Variants in SUPT3H observed in about 807,000 individuals in gnomAD.
SUPT3H encodes the protein transcription initiation protein SPT3 homolog.
SUPT3H carries 44 observed loss-of-function variants against 44.3 expected under a neutral mutation model. That is an observed-to-expected ratio of 0.99 (90% CI 0.78 to 1.28). The LOEUF (loss-of-function observed/expected upper bound fraction) is 1.28, where lower values mean the gene tolerates loss of function less well. Ranked by LOEUF, SUPT3H falls within the 50% of genes most tolerant of loss-of-function variation. SUPT3H has a pLI of 0.00. For missense variants in SUPT3H, 380 were observed against 387.1 expected, an observed-to-expected ratio of 0.98 and a Z score of 0.15; for synonymous variants, 124 against 125.6, an observed-to-expected ratio of 0.99 and a Z score of 0.09.
chr6:45,117,295 C>T (rs1442104796), intron 2 of SUPT3H, among the ~76,000 whole-genome samples: 1 of 152,040 alleles, frequency 6.6e-6, no homozygotes, highest in African/African-American at 2.4e-5. Context: ...CTGTCTTTGT[C>T]TGAAATATAA....
rs147125149 is a variant in SUPT3H, at chr6:45,343,569, A to G, written c.101+21632T>C. Among the ~76,000 whole-genome samples, 650 of 152,288 alleles carry G rather than the reference A, an allele frequency of 4.3e-3. 4 individuals carry two copies. Among genetic ancestry groups the G allele is most frequent in the African/African-American group, 0.015 (611 of 41,558 alleles). On this transcript the variant is annotated intron_variant, in intron 2 of 10. Coordinates refer to ENST00000371459, the MANE Select transcript of SUPT3H (RefSeq NM_003599.4). ...GATTAAGAGAGAAGGTCCTATGTACATAACTCTCTCTTGTAAAAAATGCCT... is the reference window on the plus strand; with the variant it reads ...GATTAAGAGAGAAGGTCCTATGTACGTAACTCTCTCTTGTAAAAAATGCCT...
chr6:45,164,035 G>GA (rs1283619244), intron 2 of SUPT3H, among the ~76,000 whole-genome samples: 1 of 152,118 alleles, frequency 6.6e-6, no homozygotes, highest in East Asian at 1.9e-4. Context: ...GTAGAGCAGT[G>GA]AAAAATCTGA....
chr6:45,104,875 T>A (rs1799064021), intron 3 of SUPT3H, among the ~76,000 whole-genome samples: 1 of 151,948 alleles, frequency 6.6e-6, no homozygotes, highest in Non-Finnish European at 1.5e-5. Context: ...GTAATCTCAA[T>A]AAACATACCA....
intron 10 of SUPT3H, among the ~76,000 whole-genome samples, chr6:44,835,088 T>C (rs1444713959): frequency 6.6e-6 from 1 of 152,074 alleles, no homozygotes; most frequent in Non-Finnish European, 1.5e-5. Context: ...TAGATATACA[T>C]AGCTGAAAGG....
At chr6:45,190,870 CAAT>C (rs749713423) in intron 2 of SUPT3H, among the ~76,000 whole-genome samples, 1 of 152,002 alleles carries the variant, frequency 6.6e-6, no homozygotes, top group Non-Finnish European at 1.5e-5. Flanking sequence ...AATAAGACAA[CAAT>C]GAGTTACAAC....
chr6:45,290,506 C>A (rs558082912), intron 2 of SUPT3H, among the ~76,000 whole-genome samples: 6 of 148,116 alleles, frequency 4.1e-5, no homozygotes, highest in Admixed American at 6.8e-5. Context: ...GAAGAGAAAT[C>A]TAGCATTTAT....
intron 2 of SUPT3H, among the ~76,000 whole-genome samples, chr6:45,217,905 C>G (rs1011405471): frequency 3.3e-5 from 5 of 151,108 alleles, no homozygotes; most frequent in African/African-American, 1.2e-4. Context: ...AAAAAGAAAA[C>G]AAAACAAAAA....
chr6:45,365,101 T>C, intron 2 of SUPT3H, 100 bp downstream of exon 2: 1 of 763,396 alleles, frequency 1.3e-6, no homozygotes. Context: ...AATAACAAAT[T>C]ATTTCCAAGT....
Position 44,979,301 on chromosome 6 carries a change from A to T in SUPT3H, c.505-17473T>A, listed in dbSNP as rs549831944. Among the ~76,000 whole-genome samples, 15 of 152,338 alleles carry T rather than the reference A, an allele frequency of 9.8e-5. 1 individual carries two copies. The South Asian group carries it at 3.1e-3, about 32-fold the overall frequency. On this transcript the variant is annotated intron_variant, in intron 6 of 10. Transcript: ENST00000371459. ...CATTTTCTTTCAGAATTTAAGAGACAAGAAACATACTAATAAATACTGAAT... is the reference window on the plus strand; with the variant it reads ...CATTTTCTTTCAGAATTTAAGAGACTAGAAACATACTAATAAATACTGAAT...
chr6:45,016,840 C>G (rs1236114663), intron 4 of SUPT3H, among the ~76,000 whole-genome samples: 2 of 151,930 alleles, frequency 1.3e-5, no homozygotes, highest in Non-Finnish European at 2.9e-5. Context: ...ATGATTTACA[C>G]TCCTTTGGGT....
intron 10 of SUPT3H, among the ~76,000 whole-genome samples, chr6:44,866,104 G>C (rs1375382132): frequency 1.8e-5 from 2 of 108,158 alleles, no homozygotes; most frequent in African/African-American, 3.2e-5. Flanking sequence ...AGCCTACATC[G>C]ACTTTTTTTT....
At chr6:44,856,718 T>C (rs1051185208) in intron 10 of SUPT3H, among the ~76,000 whole-genome samples, 4 of 152,212 alleles carry the variant, frequency 2.6e-5, no homozygotes, top group Non-Finnish European at 4.4e-5. Flanking sequence ...CAGAAGCTTG[T>C]TGTAAATTAA....
At chr6:44,949,991 T>G (rs542226519) in intron 9 of SUPT3H, among the ~76,000 whole-genome samples, 1 of 152,244 alleles carries the variant, frequency 6.6e-6, no homozygotes, top group Non-Finnish European at 1.5e-5. Context: ...GTAATATTCA[T>G]AGCAGGTTTA....
At chr6:44,812,357 T>A (rs1766590905) in intron 11 of SUPT3H, among the ~76,000 whole-genome samples, 2 of 152,198 alleles carry the variant, frequency 1.3e-5, no homozygotes, top group Admixed American at 1.3e-4. Flanking sequence ...TAGGAGGCCA[T>A]CATATTCCTT....
chr6:44,814,924 G>C (rs1453315111), intron 11 of SUPT3H, among the ~76,000 whole-genome samples: 1 of 152,082 alleles, frequency 6.6e-6, no homozygotes, highest in Admixed American at 6.5e-5. Context: ...TGATACACCT[G>C]CCTTGGCCTC....
chr6:45,037,595 T>C (rs1787874224), intron 3 of SUPT3H, among the ~76,000 whole-genome samples: 1 of 151,460 alleles, frequency 6.6e-6, no homozygotes, highest in Admixed American at 6.6e-5. Flanking sequence ...ACCCGGGAAG[T>C]GGAGGTTGCA....
intron 3 of SUPT3H, among the ~76,000 whole-genome samples, chr6:45,083,163 G>T (rs2153559247): frequency 9.4e-6 from 1 of 106,804 alleles, no homozygotes; most frequent in African/African-American, 3.8e-5. Flanking sequence ...AGATATTAAA[G>T]AATCATTATT....
At chr6:44,907,877 G>A (rs1217276111) in intron 10 of SUPT3H, among the ~76,000 whole-genome samples, 1 of 151,976 alleles carries the variant, frequency 6.6e-6, no homozygotes, top group Non-Finnish European at 1.5e-5. Flanking sequence ...TTTCCTCAAT[G>A]TTAAGTTAAA....
chr6:45,048,815 A>C (rs1284401795), intron 3 of SUPT3H, among the ~76,000 whole-genome samples: 2 of 152,126 alleles, frequency 1.3e-5, no homozygotes, highest in African/African-American at 4.8e-5. Context: ...ACATGATCTC[A>C]TATGTGGAAT....
Sources: gnomAD v4.1 joint callset for allele counts (sites outside exome capture counted in the v4.1 genomes callset) on GRCh38, gnomAD v4.1.1 for gene constraint, MANE v1.5 for transcripts, NCBI Gene and HGNC (gene_info 2026-07-23, HGNC 2026-07-21) for gene names.